The following USH2A variants were observed in gnomAD, a reference collection of about 807,000 sequenced individuals.
USH2A encodes the protein Usher syndrome 2A (autosomal recessive, mild).
In USH2A, 443 loss-of-function variants were observed where a neutral mutation model predicts 538.9. That is an observed-to-expected ratio of 0.82 (90% CI 0.76 to 0.89). The LOEUF (loss-of-function observed/expected upper bound fraction) is 0.89. Among genes scored for constraint, USH2A ranks in the 40% least tolerant of loss-of-function variants. The pLI is 0.00. For missense variants in USH2A, 6,633 were observed against 6,324.8 expected, an observed-to-expected ratio of 1.05 and a Z score of -1.65; for synonymous variants, 2,413 against 2,273.5, an observed-to-expected ratio of 1.06 and a Z score of -1.75.
In USH2A at chr1:216,399,041, A is replaced by G. The variant is rs142997257; in HGVS notation, c.651+19473T>C. ...TAAGTTAGTGTCACCTCAGCCCAGCAAGTAGCTAAACCATCTCCACCACCC... is the reference window on the plus strand; with the variant it reads ...TAAGTTAGTGTCACCTCAGCCCAGCGAGTAGCTAAACCATCTCCACCACCC... On this transcript the variant is annotated intron_variant, in intron 3 of 71. Transcript: ENST00000307340. Among the ~76,000 whole-genome samples, 409 of 152,260 alleles carry G rather than the reference A, an allele frequency of 2.7e-3. 1 individual carries two copies. The highest frequency in any genetic ancestry group is 9.2e-3 in the African/African-American group (384 of 41,552).
intron 61 of USH2A, among the ~76,000 whole-genome samples, chr1:215,713,520 C>A (rs1659399113): frequency 6.6e-6 from 1 of 152,170 alleles, no homozygotes; most frequent in Non-Finnish European, 1.5e-5. Flanking sequence ...CCCCATGTGA[C>A]CTCCTGAAGC....
intron 40 of USH2A, among the ~76,000 whole-genome samples, chr1:215,890,122 T>C (rs541470546): frequency 6.6e-6 from 1 of 152,320 alleles, no homozygotes; most frequent in South Asian, 2.1e-4. Context: ...TTAGCATTCT[T>C]ATAAACCACG....
chr1:216,312,220 T>C (rs2037435047), intron 9 of USH2A, among the ~76,000 whole-genome samples: 1 of 152,156 alleles, frequency 6.6e-6, no homozygotes, highest in East Asian at 1.9e-4. Context: ...TTTTCTTGCT[T>C]GCATGCTTTC....
rs79494833 is a variant in USH2A at position 215,758,580 on chromosome 1, C to CTT, written c.11389+13_11389+14dup. The CTT allele has an allele frequency of 1.5e-5, 21 of 1,355,606 alleles. No homozygotes were observed. The African/African-American group carries it at 2.1e-4, about 13-fold the overall frequency. The allele number at this position is 1,355,606 out of a possible 1,614,324, so 84.0% of individuals were successfully genotyped here. ...TGTTTACACACACACACACATACTT[C>CTT]TTTTTTTTTTTTACCTGGTGGTATC... On this transcript the variant is annotated intron_variant, in intron 58 of 71. Coordinates refer to ENST00000307340, the MANE Select transcript of USH2A (RefSeq NM_206933.4).
intron 43 of USH2A, among the ~76,000 whole-genome samples, chr1:215,871,412 T>C (rs1664621784): frequency 6.6e-6 from 1 of 152,238 alleles, no homozygotes; most frequent in South Asian, 2.1e-4. Flanking sequence ...TCATAGTTAT[T>C]TAAGCACTCA....
chr1:215,999,817 T>A (rs1668224234), intron 33 of USH2A, among the ~76,000 whole-genome samples: 2 of 152,066 alleles, frequency 1.3e-5, no homozygotes, highest in Admixed American at 6.6e-5. Flanking sequence ...ATGTCAGAAT[T>A]CATTTAGTCT....
chr1:216,383,395 A>C (rs1456550922), intron 3 of USH2A, among the ~76,000 whole-genome samples: 1 of 152,214 alleles, frequency 6.6e-6, no homozygotes, highest in Non-Finnish European at 1.5e-5. Context: ...TTATGAAAGG[A>C]TACTCAATGA....
chr1:215,858,453 A>G (rs1311575018), intron 44 of USH2A, among the ~76,000 whole-genome samples: 1 of 149,758 alleles, frequency 6.7e-6, no homozygotes, highest in Non-Finnish European at 1.5e-5. Context: ...TGGTTTCATA[A>G]GTGTTTGACA....
intron 44 of USH2A, among the ~76,000 whole-genome samples, chr1:215,863,498 T>C (rs916497255): frequency 6.6e-5 from 10 of 152,178 alleles, no homozygotes; most frequent in African/African-American, 2.2e-4. Context: ...GATTAAGAGA[T>C]CAGGATGAGA....
intron 4 of USH2A, among the ~76,000 whole-genome samples, chr1:216,352,236 G>A (rs1298495636): frequency 6.6e-6 from 1 of 152,004 alleles, no homozygotes; most frequent in Non-Finnish European, 1.5e-5. Flanking sequence ...AAGTCTTAAG[G>A]CTTGGGGTAC....
chr1:215,645,263 G>A (rs982765704), intron 67 of USH2A, among the ~76,000 whole-genome samples: 1 of 152,148 alleles, frequency 6.6e-6, no homozygotes, highest in African/African-American at 2.4e-5. Context: ...CTTGATTACA[G>A]AGAGTAGGAA....
chr1:216,338,917 C>T (rs2038024151), intron 4 of USH2A, among the ~76,000 whole-genome samples: 1 of 151,458 alleles, frequency 6.6e-6, no homozygotes, highest in African/African-American at 2.4e-5. Context: ...TACCTGTTGC[C>T]ATAGGAAGGC....
intron 71 of USH2A, among the ~76,000 whole-genome samples, chr1:215,626,227 T>TAA (rs930109727): frequency 2.7e-5 from 4 of 150,190 alleles, no homozygotes; most frequent in African/African-American, 9.7e-5. Context: ...TATATATATA[T>TAA]ATTTTTAGTA....
At chr1:216,200,985 C>A (rs370441673) in intron 16 of USH2A, among the ~76,000 whole-genome samples, 20,639 of 65,694 alleles carry the variant, frequency 0.31, 5,301 homozygotes, top group South Asian at 0.45. Context: ...CCATCCCTCC[C>A]TCCCTCCCTC....
Position 215,648,615 on chromosome 1 carries a change from A to T in USH2A, c.14495T>A (p.Leu4832Gln), listed in dbSNP as rs756183521. ...LRTHPAPPSGLSSPQIGTLAS... is the reference protein window; with the variant it reads ...LRTHPAPPSGQSSPQIGTLAS... ...CAGCGTCCCGATTTGTGGAGAGGAC[A>T]GTCCTGAGGGTGGGGCAGGATGGGT... The change falls in exon 66 of 72, where the codon CTG (leucine) becomes CAG (glutamine). Residue 4832 changes from leucine (L) to glutamine (Q), a missense_variant. Transcript: ENST00000307340. 3.4e-5 allele frequency: 55 copies of T among 1,614,082 alleles called. No homozygotes were observed. The highest frequency in any genetic ancestry group is 4.6e-5 in the Non-Finnish European group (54 of 1,180,028).
chr1:216,266,913 A>G (rs978140647), intron 11 of USH2A, among the ~76,000 whole-genome samples: 1 of 151,838 alleles, frequency 6.6e-6, no homozygotes, highest in Non-Finnish European at 1.5e-5. Flanking sequence ...TGTGAAGATA[A>G]AGATAATTAA....
At chr1:215,837,875 CATACTT>C (rs1276251604) in intron 47 of USH2A, 110 bp downstream of exon 47, 6 of 851,282 alleles carry the variant, frequency 7.0e-6, no homozygotes, top group East Asian at 5.0e-5. Context: ...GATTTACACA[CATACTT>C]ATAATAACCC....
At chr1:215,892,204 T>G (rs1665227065) in intron 40 of USH2A, among the ~76,000 whole-genome samples, 1 of 152,170 alleles carries the variant, frequency 6.6e-6, no homozygotes, top group South Asian at 2.1e-4. Context: ...GACTCACAAC[T>G]TGAGTGTGTA....
chr1:215,818,482 G>T (rs368962975), intron 47 of USH2A, among the ~76,000 whole-genome samples: 2 of 151,024 alleles, frequency 1.3e-5, no homozygotes, highest in African/African-American at 4.9e-5. Flanking sequence ...AAAGATTCCC[G>T]TAAGAAATAT....
Sources: gnomAD v4.1 joint callset for allele counts (sites outside exome capture counted in the v4.1 genomes callset) on GRCh38, gnomAD v4.1.1 for gene constraint, MANE v1.5 for transcripts, NCBI Gene and HGNC (gene_info 2026-07-23, HGNC 2026-07-21) for gene names.